Variants in NFASC observed in about 807,000 individuals in gnomAD.
The protein encoded by NFASC is neurofascin homolog.
In NFASC, 43 loss-of-function variants were observed where a neutral mutation model predicts 147.5. The ratio of observed to expected loss-of-function variants is 0.29; its 90% CI spans 0.23 to 0.38. The LOEUF (loss-of-function observed/expected upper bound fraction) is 0.38. Ranked by LOEUF, NFASC falls within the 10% of genes least tolerant of loss-of-function variation. The pLI, the probability that NFASC is intolerant of heterozygous loss-of-function variation, is 1.00. For synonymous variants in NFASC, 622 were observed against 665.5 expected, an observed-to-expected ratio of 0.93 and a Z score of 1.01; for missense variants, 1,320 against 1,689.0, an observed-to-expected ratio of 0.78 and a Z score of 3.83.
At chr1:204,877,000 A>ATG (rs1384174566) in intron 1 of NFASC, among the ~76,000 whole-genome samples, 6 of 75,356 alleles carry the variant, frequency 8.0e-5, no homozygotes, top group African/African-American at 7.3e-4. Flanking sequence ...AAATATGTAT[A>ATG]TATATATATA....
intron 5 of NFASC, among the ~76,000 whole-genome samples, chr1:204,952,924 G>C (rs911339859): frequency 1.3e-5 from 2 of 152,280 alleles, no homozygotes; most frequent in African/African-American, 4.8e-5. Flanking sequence ...TGGCCTCCTG[G>C]GTTCACACAA....
chr1:204,838,126 A>G (rs928378216), intron 1 of NFASC, among the ~76,000 whole-genome samples: 8 of 152,262 alleles, frequency 5.3e-5, no homozygotes, highest in Non-Finnish European at 8.8e-5. Context: ...GTGCTGTCCA[A>G]TAGAACTTTC....
chr1:205,001,734 G>A (rs1381308879), intron 26 of NFASC, among the ~76,000 whole-genome samples: 3 of 152,168 alleles, frequency 2.0e-5, no homozygotes, highest in Non-Finnish European at 2.9e-5. Flanking sequence ...CAGAGCCACA[G>A]ACCAGAGCCA....
chr1:204,887,324 T>A (rs2081487655), intron 1 of NFASC, among the ~76,000 whole-genome samples: 1 of 152,206 alleles, frequency 6.6e-6, no homozygotes, highest in South Asian at 2.1e-4. Context: ...GTAGCATGAG[T>A]CAAAATTTCC....
intron 1 of NFASC, among the ~76,000 whole-genome samples, chr1:204,877,081 ATATAT>A (rs1338755732): frequency 9.3e-5 from 9 of 97,132 alleles, no homozygotes; most frequent in Non-Finnish European, 1.6e-4. Context: ...TATATATATA[ATATAT>A]TTATTTATAT....
intron 25 of NFASC, chr1:205,000,022 G>C (rs1014157193): frequency 1.3e-5 from 2 of 152,140 alleles, no homozygotes; most frequent in East Asian, 1.9e-4. Flanking sequence ...TTGAAGATTA[G>C]TGCCATTCTC....
intron 23 of NFASC, 160 bp downstream of exon 23, chr1:204,988,966 G>A (rs960222621): frequency 3.0e-6 from 2 of 668,488 alleles, no homozygotes; most frequent in Non-Finnish European, 2.6e-6. Context: ...TGTGTGAGAG[G>A]TAGGTGCTGG....
intron 2 of NFASC, among the ~76,000 whole-genome samples, chr1:204,933,076 C>T (rs775843962): frequency 6.6e-6 from 1 of 152,120 alleles, no homozygotes; most frequent in Non-Finnish European, 1.5e-5. Flanking sequence ...GCCTGATCTC[C>T]AAAAACCTTG....
intron 3 of NFASC, chr1:204,945,137 A>G (rs2149809687): frequency 6.6e-6 from 1 of 152,336 alleles, no homozygotes; most frequent in Admixed American, 6.5e-5. Flanking sequence ...CACCAACCAT[A>G]TCTGTTGCTG....
rs146225749 is a variant in NFASC, at chr1:205,022,487, C to A, written c.*5948C>A. 1 of 152,536 alleles carries A rather than the reference C, an allele frequency of 6.6e-6. No individual in the cohort carries two copies. The highest frequency in any genetic ancestry group is 2.4e-5 in the African/African-American group (1 of 41,402). The allele number at this position is 152,536 out of a possible 1,614,324, so 9.4% of individuals were successfully genotyped here. A position where few individuals can be genotyped will look rare whatever the true frequency, so the allele number is the denominator to read the frequency against. On this transcript the variant is annotated 3_prime_UTR_variant, in exon 30 of 30. Transcript: ENST00000339876. ...CCCTTCCTACATATCCACACACACACAAATTGGTCTGATCTTTTTTCCATT... is the reference window on the plus strand; with the variant it reads ...CCCTTCCTACATATCCACACACACAAAAATTGGTCTGATCTTTTTTCCATT...
At chr1:204,925,440 T>C (rs2091318773) in intron 2 of NFASC, among the ~76,000 whole-genome samples, 1 of 152,242 alleles carries the variant, frequency 6.6e-6, no homozygotes, top group South Asian at 2.1e-4. Context: ...ACTAAATCTC[T>C]GCATCTTGTC....
intron 8 of NFASC, chr1:204,967,968 C>T (rs925127603): frequency 1.0e-4 from 30 of 289,784 alleles, no homozygotes; most frequent in Non-Finnish European, 1.5e-4. Flanking sequence ...AGCCCCTCCC[C>T]GTTCCAGGGA....
intron 15 of NFASC, 124 bp from the exon 16 acceptor site, chr1:204,976,547 C>T (rs1226123540): frequency 1.0e-5 from 7 of 682,904 alleles, no homozygotes; most frequent in Non-Finnish European, 1.8e-5. Flanking sequence ...GAGGGAGCCT[C>T]ATACCCCCAG....
chr1:204,897,262 A>C (rs2083557113), intron 1 of NFASC, among the ~76,000 whole-genome samples: 1 of 152,160 alleles, frequency 6.6e-6, no homozygotes, highest in South Asian at 2.1e-4. Context: ...GACTAGCTAG[A>C]CAAGACAATG....
intron 24 of NFASC, among the ~76,000 whole-genome samples, chr1:204,995,315 AGTGTGTGTGTGT>A (rs60921990): frequency 6.4e-5 from 9 of 140,786 alleles, no homozygotes; most frequent in South Asian, 2.5e-4. Context: ...ATGTGTGCAC[AGTGTGTGTGTGT>A]GTGTGTGTGT....
Position 204,978,942 on chromosome 1 carries a change from G to A in NFASC, c.1877-26G>A, listed in dbSNP as rs1403671396. ...GGGTGGACCTGCTCTAACTCAGGAGGCCTGCGTGGTGTCTTCTGCCACCAG... is the reference window on the plus strand; with the variant it reads ...GGGTGGACCTGCTCTAACTCAGGAGACCTGCGTGGTGTCTTCTGCCACCAG... On this transcript the variant is annotated intron_variant, in intron 17 of 29. Transcript: ENST00000339876. The A allele has an allele frequency of 6.5e-6, 10 of 1,528,854 alleles. No individual in the cohort carries two copies. The East Asian group carries it at 2.0e-4, about 30-fold the overall frequency. The allele number at this position is 1,528,854 out of a possible 1,614,324, so 94.7% of individuals were successfully genotyped here.
intron 3 of NFASC, chr1:204,944,856 C>G (rs1573489186): frequency 6.3e-6 from 1 of 158,126 alleles, no homozygotes; most frequent in South Asian, 2.0e-4. Context: ...GCCCTCTTGG[C>G]TGGAGTAATC....
At chr1:204,946,938 C>T (rs2093789113) in intron 3 of NFASC, 1 of 381,534 alleles carries the variant, frequency 2.6e-6, no homozygotes. Flanking sequence ...ATCCCTGCTG[C>T]CCTCAAGGCT....
intron 1 of NFASC, among the ~76,000 whole-genome samples, chr1:204,848,099 A>C (rs967633714): frequency 2.0e-5 from 3 of 152,202 alleles, no homozygotes; most frequent in Admixed American, 6.5e-5. Context: ...GAAGGGCCCC[A>C]GGAGGGAAGC....
Sources: gnomAD v4.1 joint callset for allele counts (sites outside exome capture counted in the v4.1 genomes callset) on GRCh38, gnomAD v4.1.1 for gene constraint, MANE v1.5 for transcripts, NCBI Gene and HGNC (gene_info 2026-07-23, HGNC 2026-07-21) for gene names.